The following MYO18B variants were observed in gnomAD, a reference collection of about 807,000 sequenced individuals.
The protein encoded by MYO18B is unconventional myosin-XVIIIb.
Under a neutral mutation model 273.0 loss-of-function variants are expected in MYO18B, and 204 were observed. That is an observed-to-expected ratio of 0.75 (90% confidence interval 0.67 to 0.84). The LOEUF (loss-of-function observed/expected upper bound fraction) is 0.84. Ranked by LOEUF, MYO18B falls within the 40% of genes least tolerant of loss-of-function variation. MYO18B has a pLI of 0.00. For synonymous variants in MYO18B, 1,330 were observed against 1,305.7 expected, an observed-to-expected ratio of 1.02 and a Z score of -0.40; for missense variants, 3,212 against 3,287.6, an observed-to-expected ratio of 0.98 and a Z score of 0.56.
Position 25,768,659 on chromosome 22 carries a change from C to G in MYO18B, c.743C>G (p.Pro248Arg), listed in dbSNP as rs2086599614. The G allele has an allele frequency of 6.5e-7, 1 of 1,537,068 alleles. No homozygotes were observed. The highest frequency in any genetic ancestry group is 2.3e-5 in the East Asian group (1 of 44,204). The change falls in exon 4 of 44, where the codon CCC (proline) becomes CGC (arginine). Residue 248 changes from proline (P) to arginine (R), a missense_variant. Physicochemically the swap from Pro to Arg is moderately radical, Grantham distance 103. Transcript: ENST00000335473. ...QSIVGKGLGT[P>R]KTTELKEAEP... ...ATAGTGGGGAAGGGGCTTGGGACCC[C>G]CAAGACCACAGAGCTGAAAGAGGCT... is the stretch of plus-strand genomic sequence containing the variant.
chr22:25,943,886 A>T (rs1049554645), intron 34 of MYO18B, among the ~76,000 whole-genome samples: 1 of 151,198 alleles, frequency 6.6e-6, no homozygotes, highest in Admixed American at 6.6e-5. Flanking sequence ...TACCCGGCTA[A>T]TTTTTTTGTA....
chr22:25,896,518 TG>T (rs2091805839), intron 28 of MYO18B: 1 of 152,254 alleles, frequency 6.6e-6, no homozygotes, highest in South Asian at 2.1e-4. Flanking sequence ...GTACCATTAC[TG>T]TTAGGGCTTT....
At chr22:25,900,008 A>G (rs1031772946) in intron 29 of MYO18B, 1 of 152,184 alleles carries the variant, frequency 6.6e-6, no homozygotes, top group Non-Finnish European at 1.5e-5. Flanking sequence ...CAACTCTCTG[A>G]TGAGTAAGGG....
chr22:25,823,445 T>C lies in MYO18B; in HGVS notation c.2522-60T>C, dbSNP rs5752226. The C allele has an allele frequency of 1, 1,544,523 of 1,545,670 alleles. 771,692 individuals are homozygous for C. The highest frequency in any genetic ancestry group is 1 in the East Asian group (43,657 of 43,658). On this transcript the variant is annotated intron_variant, in intron 12 of 43. Transcript: ENST00000335473. ...TGAGATTCTCCGAGGTCCTCTCGGG[T>C]GTTCATTCACCCCATGCCCAAGGCC...
chr22:25,866,829 G>A (rs1018490408), intron 21 of MYO18B, among the ~76,000 whole-genome samples: 4 of 147,804 alleles, frequency 2.7e-5, no homozygotes, highest in Non-Finnish European at 6.0e-5. Context: ...ACTATAGTGC[G>A]TACAGAAAAC....
the MYO18B span, among the ~76,000 whole-genome samples, chr22:26,056,130 G>C: frequency 6.6e-6 from 1 of 152,140 alleles, no homozygotes; most frequent in Admixed American, 6.6e-5. Context: ...TTTAAGTTCT[G>C]TCCTCCAACA....
rs1203026275 is a variant in MYO18B, at chr22:25,955,193, G to C, written c.5985G>C (p.Arg1995=). ...GCCCCTCCCAGGTCCTGGTGATCCG[G>C]CTTCGGGACAGCCTGATCAAGATGG... ...QIKRFEVLVI[R]LRDSLIKMGE... Residue 1995 remains arginine, a synonymous_variant, in exon 39 of 44, where the codon CGG becomes CGC. Transcript: ENST00000335473. 1 of 1,608,840 alleles carries C rather than the reference G, an allele frequency of 6.2e-7. No individual in the cohort carries two copies. Among genetic ancestry groups the C allele is most frequent in the East Asian group, 2.2e-5 (1 of 44,778 alleles).
chr22:25,744,790 A>G (rs897509420), intron 1 of MYO18B, among the ~76,000 whole-genome samples: 1 of 152,156 alleles, frequency 6.6e-6, no homozygotes, highest in African/African-American at 2.4e-5. Flanking sequence ...TGAAAAATGG[A>G]GGAGGTGGGT....
At chr22:25,780,590 C>CAAAAAAAAAAAA (rs59082074) in intron 9 of MYO18B, among the ~76,000 whole-genome samples, 1 of 65,218 alleles carries the variant, frequency 1.5e-5, no homozygotes, top group African/African-American at 6.4e-5. Context: ...AACTCCATCT[C>CAAAAAAAAAAAA]AAAAAAAAAA....
chr22:25,912,185 C>T (rs1048058371), intron 33 of MYO18B, among the ~76,000 whole-genome samples: 2 of 152,162 alleles, frequency 1.3e-5, no homozygotes, highest in African/African-American at 4.8e-5. Context: ...ACAGCAGGGA[C>T]ACACGCGGCA....
chr22:25,778,839 A>G lies in MYO18B; in HGVS notation c.2068+1058A>G, dbSNP rs150873299. Among the ~76,000 whole-genome samples, 7 of 150,642 alleles carry G rather than the reference A, an allele frequency of 4.6e-5. No homozygotes were observed. In the East Asian group the frequency reaches 1.2e-3, roughly 25 times the overall value. On this transcript the variant is annotated intron_variant, in intron 8 of 43. Coordinates refer to ENST00000335473, the MANE Select transcript of MYO18B (RefSeq NM_032608.7). ...AAAACAGCCCTATAAGGTAGGTATTATTATTTTATATTTTATAGATTGAAG... is the reference window on the plus strand; with the variant it reads ...AAAACAGCCCTATAAGGTAGGTATTGTTATTTTATATTTTATAGATTGAAG...
chr22:25,786,071 T>C (rs2087373942), intron 11 of MYO18B, among the ~76,000 whole-genome samples: 1 of 152,228 alleles, frequency 6.6e-6, no homozygotes, highest in Non-Finnish European at 1.5e-5. Flanking sequence ...TGGTTTGATA[T>C]TTTATTATTC....
chr22:25,895,759 G>C (rs923936155), intron 28 of MYO18B: 2 of 152,580 alleles, frequency 1.3e-5, no homozygotes, highest in Admixed American at 6.5e-5. Context: ...TGCAGCCAAG[G>C]AATGTTTCAG....
intron 12 of MYO18B, among the ~76,000 whole-genome samples, chr22:25,813,105 C>A (rs1407693071): frequency 6.7e-6 from 1 of 150,234 alleles, no homozygotes; most frequent in Non-Finnish European, 1.5e-5. Context: ...TTCTATTCTC[C>A]TCTTTCCTCC....
intron 12 of MYO18B, among the ~76,000 whole-genome samples, chr22:25,809,728 C>T (rs1189731731): frequency 6.6e-6 from 1 of 151,986 alleles, no homozygotes; most frequent in Non-Finnish European, 1.5e-5. Context: ...GGGCCCAGTC[C>T]CACACAGAAC....
At chr22:25,758,986 C>G (rs181424801) in intron 1 of MYO18B, among the ~76,000 whole-genome samples, 39 of 152,218 alleles carry the variant, frequency 2.6e-4, no homozygotes, top group African/African-American at 9.4e-4. Context: ...GATATCCTGA[C>G]TTTGTGATCT....
At chr22:25,764,962 C>T (rs2086453542) in intron 3 of MYO18B, among the ~76,000 whole-genome samples, 1 of 152,200 alleles carries the variant, frequency 6.6e-6, no homozygotes, top group African/African-American at 2.4e-5. Flanking sequence ...TGTGTGTTCT[C>T]TGCTCTCACA....
At chr22:25,753,543 G>C (rs1485150333) in intron 1 of MYO18B, among the ~76,000 whole-genome samples, 1 of 152,176 alleles carries the variant, frequency 6.6e-6, no homozygotes, top group African/African-American at 2.4e-5. Context: ...CCGCGTTGTG[G>C]GGTGGTTGTG....
chr22:25,826,920 G>A (rs1166377042), intron 14 of MYO18B, among the ~76,000 whole-genome samples: 7 of 152,100 alleles, frequency 4.6e-5, no homozygotes, highest in Admixed American at 3.9e-4. Flanking sequence ...AATTAGCTGG[G>A]CGTGGTGGTG....
Sources: allele counts gnomAD v4.1 joint callset (sites outside exome capture counted in the v4.1 genomes callset), GRCh38; gene constraint gnomAD v4.1.1; transcripts MANE v1.5; gene names NCBI Gene and HGNC (gene_info 2026-07-23, HGNC 2026-07-21).